Variants in ZGRF1 observed in about 807,000 individuals in gnomAD.
ZGRF1 encodes the protein 5'-3' DNA helicase ZGRF1.
ZGRF1 carries 196 observed loss-of-function variants against 203.5 expected under a neutral mutation model. The ratio of observed to expected loss-of-function variants is 0.96; its 90% CI spans 0.86 to 1.08. The LOEUF (loss-of-function observed/expected upper bound fraction) is 1.08. Among genes scored for constraint, ZGRF1 ranks in the 50% least tolerant of loss-of-function variants. The pLI is 0.00. For missense variants in ZGRF1, 2,326 were observed against 2,416.3 expected (o/e 0.96, Z 0.78); for synonymous variants, 809 against 841.3 (o/e 0.96, Z 0.66).
At position 112,541,228 on chromosome 4, in the gene ZGRF1, T is replaced by C. The variant is rs1230135267; in HGVS notation, c.5639A>G (p.His1880Arg). 1 of 1,609,162 alleles carries C rather than the reference T, an allele frequency of 6.2e-7. No homozygotes were observed. Among genetic ancestry groups the C allele is most frequent in the Admixed American group, 1.7e-5 (1 of 59,926 alleles). ...PILLRTQYRC[H>R]PAISAIANDL... The stretch of plus-strand genomic sequence containing the variant: ...ATTAGCAATAGCACTGATTGCAGGA[T>C]GACAACGGTATTGAGTTCTCAATAG... The change falls in exon 25 of 28, where the codon CAT becomes CGT. Residue 1880 changes from histidine to arginine, a missense_variant. Coordinates refer to ENST00000505019, the MANE Select transcript of ZGRF1 (RefSeq NM_018392.5).
intron 16 of ZGRF1, among the ~76,000 whole-genome samples, chr4:112,573,845 AAAG>A (rs1402728374): frequency 2.6e-5 from 4 of 152,200 alleles, no homozygotes; most frequent in East Asian, 1.9e-4. Context: ...TCTATAAATA[AAAG>A]AAGGTTATAA....
At chr4:112,600,352 T>C (rs370194022) in intron 10 of ZGRF1, among the ~76,000 whole-genome samples, 3 of 151,988 alleles carry the variant, frequency 2.0e-5, no homozygotes, top group South Asian at 2.1e-4. Flanking sequence ...TTTCTTAAGA[T>C]ACAAAAGCGC....
chr4:112,605,838 G>C lies in ZGRF1; in HGVS notation c.2802+170C>G, dbSNP rs577603545. 163 of 574,102 alleles carry C rather than the reference G, an allele frequency of 2.8e-4. 4 individuals are homozygous for C. Among genetic ancestry groups the C allele is most frequent in the East Asian group, 1.7e-3 (57 of 32,600 alleles). 35.6% of individuals were successfully genotyped at this position (574,102 alleles called of 1,614,324 possible). A position where few individuals can be genotyped will look rare whatever the true frequency, so the allele number is the denominator to read the frequency against. ...ATAGAGAAAGTTTAAGACCAAAAAG[G>C]GGGGCAGGAGTCATTAAATAGTTTT... On this transcript the variant is annotated intron_variant, in intron 9 of 27. Coordinates refer to ENST00000505019, the MANE Select transcript of ZGRF1 (RefSeq NM_018392.5).
In ZGRF1 at chr4:112,606,308, T is replaced by A. The variant is rs532922003; in HGVS notation, c.2719-217A>T. On this transcript the variant is annotated intron_variant, in intron 8 of 27. Transcript: ENST00000505019. The stretch of plus-strand genomic sequence containing the variant: ...TCACTATGCTAATTAATTTGAAAAC[T>A]TAGCACATTAGAAAATTCTGATTCT... 2.0e-5 allele frequency among the ~76,000 whole-genome samples: 3 copies of A among 152,350 alleles called. No homozygotes were observed. In the South Asian group the frequency reaches 6.2e-4, roughly 32 times the overall value.
chr4:112,539,588 TTTTCTTCTG>T lies in ZGRF1; in HGVS notation c.6265_6273del (p.Gln2089_Lys2091del). ...TCTTTAGATTTCTCTTTTTCACTCT[TTTTCTTCTG>T]TTTTTCTTCCACTTGTTTTTCAAAA... On this transcript the variant is annotated inframe_deletion, in exon 28 of 28. Coordinates refer to ENST00000505019, the MANE Select transcript of ZGRF1 (RefSeq NM_018392.5). 1 of 1,533,064 alleles carries T rather than the reference TTTTCTTCTG, an allele frequency of 6.5e-7. No homozygotes were observed. The highest frequency in any genetic ancestry group is 8.9e-7 in the Non-Finnish European group (1 of 1,124,228). The allele number at this position is 1,533,064 out of a possible 1,614,324, so 95.0% of individuals were successfully genotyped here. A position where few individuals can be genotyped will look rare whatever the true frequency, so the allele number is the denominator to read the frequency against.
intron 10 of ZGRF1, among the ~76,000 whole-genome samples, chr4:112,596,421 G>A (rs1208300608): frequency 1.3e-5 from 2 of 152,106 alleles, no homozygotes; most frequent in South Asian, 2.1e-4. Context: ...TAGAAGATTC[G>A]AGAAAGAAAA....
chr4:112,568,537 C>G (rs555562503), intron 16 of ZGRF1, among the ~76,000 whole-genome samples: 46 of 150,506 alleles, frequency 3.1e-4, no homozygotes, highest in African/African-American at 1.1e-3. Flanking sequence ...ATGGTGAAAC[C>G]GTGTCTCTAC....
rs1413839311 is a variant in ZGRF1 at position 112,593,944 on chromosome 4, G to A, written c.2977-4070C>T. Among the ~76,000 whole-genome samples the A allele has an allele frequency of 3.3e-5, 5 of 151,472 alleles. No homozygotes were observed. The South Asian group carries it at 6.2e-4, about 19-fold the overall frequency. On this transcript the variant is annotated intron_variant, in intron 10 of 27. Coordinates refer to ENST00000505019, the MANE Select transcript of ZGRF1 (RefSeq NM_018392.5). Reference sequence around the variant, plus strand: ...ACACCTGGCTAATTTTTAGAGATGGGGATTCCCTGTTGCCCAGGCTGTTCT... The same window carrying A: ...ACACCTGGCTAATTTTTAGAGATGGAGATTCCCTGTTGCCCAGGCTGTTCT...
chr4:112,556,072 A>C (rs564782868), intron 20 of ZGRF1, among the ~76,000 whole-genome samples: 20 of 152,222 alleles, frequency 1.3e-4, no homozygotes, highest in South Asian at 2.1e-4. Context: ...TAATTTAAAA[A>C]AAAAACAAAA....
intron 10 of ZGRF1, among the ~76,000 whole-genome samples, chr4:112,601,399 T>G (rs547175970): frequency 1.3e-5 from 2 of 151,904 alleles, no homozygotes; most frequent in Non-Finnish European, 2.9e-5. Context: ...TAAATGTATA[T>G]GCAACCATAC....
At position 112,578,898 on chromosome 4, in the gene ZGRF1, G is replaced by A. The variant is rs1454954541; in HGVS notation, c.4438+2765C>T. ...ACTATTCCAATCAATAGAAAAAGAG[G>A]GAATCCTCCCTAATTCATTTTCTGA... On this transcript the variant is annotated intron_variant, in intron 16 of 27. Transcript: ENST00000505019. 1.6e-5 allele frequency among the ~76,000 whole-genome samples: 2 copies of A among 122,410 alleles called. 1 individual carries two copies. The allele number at this position is 122,410 out of a possible 152,430, so 80.3% of individuals were successfully genotyped here.
chr4:112,540,914 C>T lies in ZGRF1; in HGVS notation c.5817G>A (p.Thr1939=), dbSNP rs917428686. The change falls in exon 26 of 28, where the codon ACG becomes ACA. Residue 1939 remains threonine (T), a synonymous_variant. Coordinates refer to ENST00000505019, the MANE Select transcript of ZGRF1 (RefSeq NM_018392.5). ...GTGATTGAATCAGCTTGAGTGTAAA[C>T]GTAGCTTCTGCCACATTATGAAAGC... ...DNSFHNVAEA[T]FTLKLIQSLI... 4.2e-5 allele frequency: 67 copies of T among 1,579,386 alleles called. No individual in the cohort carries two copies. The highest frequency in any genetic ancestry group is 8.1e-5 in the African/African-American group (6 of 74,308).
rs1235864929 is a variant in ZGRF1 at position 112,619,649 on chromosome 4, A to G, written c.393T>C (p.Ile131=). The change falls in exon 6 of 28, where the codon ATT becomes ATC. Residue 131 remains isoleucine, a synonymous_variant. Transcript: ENST00000505019. The stretch of plus-strand genomic sequence containing the variant: ...ATGCAGCTGATTCACCACTTTCCAT[A>G]ATAACCATTTTCTTTGGAACCTGAC... ...GPRQVPKKMV[I]MESGESAASH... is the part of the protein sequence containing the mutation. 6.2e-7 allele frequency: 1 copy of G among 1,612,322 alleles called. No individual in the cohort carries two copies. The highest frequency in any genetic ancestry group is 1.1e-5 in the South Asian group (1 of 90,566).
intron 6 of ZGRF1, among the ~76,000 whole-genome samples, chr4:112,615,758 C>T (rs1431504825): frequency 6.6e-6 from 1 of 151,660 alleles, no homozygotes; most frequent in African/African-American, 2.4e-5. Flanking sequence ...CTCAGCCTCC[C>T]GAGTAGCTGG....
At chr4:112,599,971 A>G (rs1036885637) in intron 10 of ZGRF1, among the ~76,000 whole-genome samples, 1 of 152,224 alleles carries the variant, frequency 6.6e-6, no homozygotes, top group Admixed American at 6.5e-5. Context: ...CTGTAGATCA[A>G]AATGTGAAAT....
intron 10 of ZGRF1, 86 bp downstream of exon 10, chr4:112,603,438 T>G: frequency 1.1e-6 from 1 of 887,166 alleles, no homozygotes; most frequent in Non-Finnish European, 1.7e-6. Flanking sequence ...CTTATAACTG[T>G]ATAAACAACT....
At chr4:112,565,023 C>T (rs916154781) in intron 16 of ZGRF1, 3 of 978,682 alleles carry the variant, frequency 3.1e-6, no homozygotes, top group South Asian at 2.6e-5. Context: ...ACAAATCAAC[C>T]GGTGGTAAAC....
chr4:112,593,277 T>C (rs1256089379), intron 10 of ZGRF1, among the ~76,000 whole-genome samples: 1 of 152,178 alleles, frequency 6.6e-6, no homozygotes, highest in Non-Finnish European at 1.5e-5. Flanking sequence ...CATCCATGAT[T>C]CTACCTCCAA....
chr4:112,539,884 G>A lies in ZGRF1; in HGVS notation c.6151C>T (p.Arg2051Ter). The change falls in exon 27 of 28, where the codon CGA becomes TGA. Residue 2051 changes from arginine to a stop codon, truncating the protein, a stop_gained. Coordinates refer to ENST00000505019, the MANE Select transcript of ZGRF1 (RefSeq NM_018392.5). LOFTEE classifies it high-confidence loss of function. ...ACLRKNQLWG[R>*]VIQHCEGRED... Reference sequence around the variant, plus strand: ...TTACCTTCGCAGTGTTGGATCACTCGTCCCCAAAGTTGATTTTTCCTCAAA... The same window carrying A: ...TTACCTTCGCAGTGTTGGATCACTCATCCCCAAAGTTGATTTTTCCTCAAA... The A allele has an allele frequency of 2.5e-6, 4 of 1,613,716 alleles. No homozygotes were observed. Among genetic ancestry groups the A allele is most frequent in the South Asian group, 1.1e-5 (1 of 91,068 alleles).
Sources: gnomAD v4.1 joint callset for allele counts (sites outside exome capture counted in the v4.1 genomes callset) on GRCh38, gnomAD v4.1.1 for gene constraint, MANE v1.5 for transcripts, NCBI Gene and HGNC (gene_info 2026-07-23, HGNC 2026-07-21) for gene names.